The following CDYL variants were observed in gnomAD, a reference collection of about 807,000 sequenced individuals.
CDYL encodes chromodomain Y like.
In CDYL, 8 loss-of-function variants were observed where a neutral mutation model predicts 47.3. The ratio of observed to expected loss-of-function variants is 0.17; its 90% CI spans 0.10 to 0.31. The LOEUF (loss-of-function observed/expected upper bound fraction) is 0.31, where lower values mean the gene tolerates loss of function less well. Among genes scored for constraint, CDYL ranks in the 10% least tolerant of loss-of-function variants. CDYL has a pLI of 1.00. For synonymous variants in CDYL, 266 were observed against 265.0 expected, an observed-to-expected ratio of 1.00 and a Z score of -0.04; for missense variants, 471 against 701.4, an observed-to-expected ratio of 0.67 and a Z score of 3.71.
intron 1 of CDYL, among the ~76,000 whole-genome samples, chr6:4,850,047 A>G (rs970555640): frequency 3.9e-5 from 6 of 152,206 alleles, no homozygotes; most frequent in African/African-American, 1.4e-4. Flanking sequence ...TGGCAAAAAT[A>G]TAATACATGT....
chr6:4,717,703 C>CAAA (rs200835710), intron 2 of CDYL, among the ~76,000 whole-genome samples: 23 of 49,344 alleles, frequency 4.7e-4, no homozygotes, highest in African/African-American at 1.9e-3. Context: ...AAGACCCTCA[C>CAAA]AAAAAAAAAA....
At chr6:4,879,033 C>T (rs1450747777) in intron 1 of CDYL, among the ~76,000 whole-genome samples, 1 of 151,946 alleles carries the variant, frequency 6.6e-6, no homozygotes, top group Non-Finnish European at 1.5e-5. Context: ...TGTCTAACTC[C>T]CCTGCAGTCA....
At chr6:4,951,378 C>G (rs939899995) in intron 5 of CDYL, among the ~76,000 whole-genome samples, 2 of 151,966 alleles carry the variant, frequency 1.3e-5, no homozygotes, top group Non-Finnish European at 2.9e-5. Flanking sequence ...ATCTCGGCAT[C>G]TGTGAGCCTG....
At chr6:4,845,142 C>A (rs535722009) in intron 1 of CDYL, among the ~76,000 whole-genome samples, 3 of 152,288 alleles carry the variant, frequency 2.0e-5, no homozygotes, top group Non-Finnish European at 4.4e-5. Context: ...AATTTCACTG[C>A]ATGCTTACTT....
intron 3 of CDYL, among the ~76,000 whole-genome samples, chr6:4,760,750 G>A (rs542130232): frequency 5.9e-5 from 9 of 152,182 alleles, no homozygotes; most frequent in Admixed American, 1.3e-4. Flanking sequence ...AATTGCAGTA[G>A]AAAGGGAGAA....
chr6:4,922,455 G>A (rs945816019), intron 2 of CDYL, among the ~76,000 whole-genome samples: 1 of 152,216 alleles, frequency 6.6e-6, no homozygotes, highest in African/African-American at 2.4e-5. Context: ...TGTTAAAAAA[G>A]TATAAATACA....
chr6:4,854,617 C>T (rs1760951781), intron 1 of CDYL, among the ~76,000 whole-genome samples: 1 of 152,208 alleles, frequency 6.6e-6, no homozygotes, highest in Admixed American at 6.5e-5. Flanking sequence ...ATAAAATAAC[C>T]TCATGACACT....
intron 2 of CDYL, among the ~76,000 whole-genome samples, chr6:4,723,683 G>A (rs1279760062): frequency 3.3e-5 from 5 of 152,148 alleles, no homozygotes; most frequent in Admixed American, 3.3e-4. Flanking sequence ...GCTTGTTGAT[G>A]GAGTCCTCGC....
intron 1 of CDYL, among the ~76,000 whole-genome samples, chr6:4,879,149 T>C (rs942197036): frequency 4.6e-5 from 7 of 152,238 alleles, no homozygotes; most frequent in African/African-American, 1.7e-4. Context: ...TCAAGTGATT[T>C]AAAGATACAT....
rs1284238702 is a variant in CDYL, at chr6:4,915,820, AAG to A, written c.692-19691_692-19690del. On this transcript the variant is annotated intron_variant, in intron 2 of 6. Transcript: ENST00000397588. ...AGGCTGACACCTTTTCAGCTCTGAT[AAG>A]AGACAGTCACCCTATATATGAAGCC... is the stretch of plus-strand genomic sequence containing the variant. 2.3e-4 allele frequency among the ~76,000 whole-genome samples: 35 copies of A among 152,322 alleles called. 2 individuals are homozygous for A. The highest frequency in any genetic ancestry group is 3.4e-3 in the Middle Eastern group (1 of 294).
chr6:4,780,495 C>T (rs1758589699), intron 1 of CDYL, among the ~76,000 whole-genome samples: 1 of 148,852 alleles, frequency 6.7e-6, no homozygotes, highest in African/African-American at 2.5e-5. Flanking sequence ...TCTCAAACTC[C>T]TGGTCTCAAG....
At chr6:4,802,235 T>C (rs1379432434) in intron 1 of CDYL, among the ~76,000 whole-genome samples, 3 of 143,936 alleles carry the variant, frequency 2.1e-5, no homozygotes, top group Admixed American at 6.8e-5. Flanking sequence ...CTTTAGATCA[T>C]TGAAAAAAAA....
intron 2 of CDYL, among the ~76,000 whole-genome samples, chr6:4,729,129 A>G (rs1757561084): frequency 6.6e-6 from 1 of 152,240 alleles, no homozygotes; most frequent in South Asian, 2.1e-4. Context: ...ATTACAGCAC[A>G]GAGTCAGCAG....
chr6:4,920,561 A>C (rs1302598485), intron 2 of CDYL, among the ~76,000 whole-genome samples: 1 of 152,134 alleles, frequency 6.6e-6, no homozygotes, highest in Non-Finnish European at 1.5e-5. Context: ...AAGCAGTAGG[A>C]GGGATAAAAG....
chr6:4,781,734 C>T (rs964872442), intron 1 of CDYL, among the ~76,000 whole-genome samples: 2 of 152,098 alleles, frequency 1.3e-5, no homozygotes, highest in Non-Finnish European at 2.9e-5. Flanking sequence ...AGAATATTTT[C>T]ATGGTATGTA....
intron 3 of CDYL, among the ~76,000 whole-genome samples, chr6:4,757,268 A>G (rs1189835994): frequency 1.3e-5 from 2 of 152,240 alleles, no homozygotes; most frequent in African/African-American, 4.8e-5. Flanking sequence ...TGCAATTGTT[A>G]GGATTATTCT....
intron 1 of CDYL, among the ~76,000 whole-genome samples, chr6:4,847,149 A>G (rs1732507636): frequency 6.6e-6 from 1 of 152,288 alleles, no homozygotes; most frequent in African/African-American, 2.4e-5. Flanking sequence ...GCGTGCACCA[A>G]AATCATCAGT....
intron 3 of CDYL, among the ~76,000 whole-genome samples, 195 bp from the exon 4 acceptor site, chr6:4,937,370 C>T (rs973917353): frequency 6.6e-6 from 1 of 152,128 alleles, no homozygotes; most frequent in Admixed American, 6.5e-5. Flanking sequence ...ATAGCACAAG[C>T]CTGTAGTCCC....
intron 3 of CDYL, among the ~76,000 whole-genome samples, chr6:4,756,105 A>G (rs1758069549): frequency 6.6e-6 from 1 of 152,074 alleles, no homozygotes; most frequent in Non-Finnish European, 1.5e-5. Flanking sequence ...GGTCTCCAAT[A>G]AATCTCTGCC....
Sources: allele counts gnomAD v4.1 joint callset (sites outside exome capture counted in the v4.1 genomes callset), GRCh38; gene constraint gnomAD v4.1.1; transcripts MANE v1.5; gene names NCBI Gene and HGNC (gene_info 2026-07-23, HGNC 2026-07-21).